PTPRD: variants seen among roughly 807,000 people sequenced by gnomAD.
The protein encoded by PTPRD is receptor-type tyrosine-protein phosphatase delta.
PTPRD carries 34 observed loss-of-function variants against 214.5 expected under a neutral mutation model. The ratio of observed to expected loss-of-function variants is 0.16; its 90% CI spans 0.12 to 0.21. The LOEUF (loss-of-function observed/expected upper bound fraction) is 0.21, where lower values mean the gene tolerates loss of function less well. Among genes scored for constraint, PTPRD ranks in the 10% least tolerant of loss-of-function variants. PTPRD has a pLI of 1.00. For synonymous variants in PTPRD, 1,128 were observed against 845.7 expected (o/e 1.33, Z -5.79); for missense variants, 2,545 against 2,398.7 (o/e 1.06, Z -1.27).
intron 5 of PTPRD, among the ~76,000 whole-genome samples, chr9:9,872,603 C>T (rs1053055452): frequency 6.6e-6 from 1 of 151,964 alleles, no homozygotes; most frequent in Admixed American, 6.6e-5. Flanking sequence ...ACAACCACCA[C>T]CACCACCACC....
Position 8,317,383 on chromosome 9 carries a change from G to A in PTPRD, c.*491C>T, listed in dbSNP as rs1478111885. 3 of 232,752 alleles carry A rather than the reference G, an allele frequency of 1.3e-5. No homozygotes were observed. The East Asian group carries it at 1.8e-4, about 14-fold the overall frequency. The allele number at this position is 232,752 out of a possible 1,614,324, so 14.4% of individuals were successfully genotyped here. A position where few individuals can be genotyped will look rare whatever the true frequency, so the allele number is the denominator to read the frequency against. On this transcript the variant is annotated 3_prime_UTR_variant, in exon 46 of 46. Transcript: ENST00000381196. ...TACAATACTAAAAAACTAAATCAAG[G>A]ACTTTCTTTTTAAACATTCCCTCCC...
intron 3 of PTPRD, among the ~76,000 whole-genome samples, chr9:10,096,837 T>A (rs2098492876): frequency 6.6e-6 from 1 of 152,048 alleles, no homozygotes; most frequent in East Asian, 1.9e-4. Context: ...TGAATGGTAA[T>A]GCCTAGGTTT....
intron 14 of PTPRD, among the ~76,000 whole-genome samples, chr9:8,600,232 G>A (rs2094759388): frequency 6.6e-6 from 1 of 152,200 alleles, no homozygotes; most frequent in South Asian, 2.1e-4. Flanking sequence ...CCAGACGGAG[G>A]GGATTGCCCA....
chr9:8,386,850 T>G (rs11792724), intron 37 of PTPRD, among the ~76,000 whole-genome samples: 23,205 of 152,078 alleles, frequency 0.15, 2,651 homozygotes, highest in African/African-American at 0.32. Flanking sequence ...GAGATGGGAA[T>G]GATGGGAGGG....
chr9:9,732,512 A>G (rs1489944952), intron 7 of PTPRD, among the ~76,000 whole-genome samples: 1 of 152,198 alleles, frequency 6.6e-6, no homozygotes, highest in East Asian at 1.9e-4. Context: ...ATGAAAAATG[A>G]TGGAATTTAG....
intron 9 of PTPRD, among the ~76,000 whole-genome samples, chr9:9,256,309 T>A (rs536888698): frequency 6.6e-6 from 1 of 152,114 alleles, no homozygotes; most frequent in South Asian, 2.1e-4. Flanking sequence ...TCTGAAAATA[T>A]ATACAAATCA....
intron 7 of PTPRD, among the ~76,000 whole-genome samples, chr9:9,657,304 G>T (rs564301075): frequency 2.6e-4 from 39 of 152,154 alleles, no homozygotes; most frequent in African/African-American, 9.4e-4. Flanking sequence ...CCTTTGCAGG[G>T]ACATGGATGA....
chr9:9,675,966 G>C (rs2096920571), intron 7 of PTPRD, among the ~76,000 whole-genome samples: 1 of 151,936 alleles, frequency 6.6e-6, no homozygotes, highest in South Asian at 2.1e-4. Flanking sequence ...AAAATGCTAA[G>C]ACTGAGTTTG....
chr9:8,545,442 C>T (rs1050707426), intron 14 of PTPRD, among the ~76,000 whole-genome samples: 2 of 152,104 alleles, frequency 1.3e-5, no homozygotes, highest in African/African-American at 2.4e-5. Flanking sequence ...GAAAACTTCT[C>T]AACAAAATTA....
intron 3 of PTPRD, among the ~76,000 whole-genome samples, chr9:10,243,634 G>T (rs1018920501): frequency 1.3e-5 from 2 of 152,010 alleles, no homozygotes; most frequent in African/African-American, 4.8e-5. Context: ...CTTAAAAAAA[G>T]AGATATGTAT....
intron 2 of PTPRD, among the ~76,000 whole-genome samples, chr9:10,366,080 C>A (rs1032693465): frequency 1.3e-5 from 2 of 152,114 alleles, no homozygotes; most frequent in African/African-American, 4.8e-5. Flanking sequence ...TGCTAAAAAA[C>A]ACTGTCACTG....
At chr9:9,619,761 TA>T (rs1396841088) in intron 7 of PTPRD, among the ~76,000 whole-genome samples, 1 of 146,442 alleles carries the variant, frequency 6.8e-6, no homozygotes, top group African/African-American at 2.5e-5. Flanking sequence ...TATTTATATA[TA>T]ATCTATATAA....
At chr9:9,680,743 T>C (rs774114576) in intron 7 of PTPRD, among the ~76,000 whole-genome samples, 5 of 151,508 alleles carry the variant, frequency 3.3e-5, no homozygotes, top group African/African-American at 7.3e-5. Flanking sequence ...TCATAACTAT[T>C]TGGGGAGTAA....
intron 3 of PTPRD, among the ~76,000 whole-genome samples, chr9:10,153,902 T>C (rs1269320598): frequency 6.6e-6 from 1 of 152,148 alleles, no homozygotes; most frequent in Non-Finnish European, 1.5e-5. Context: ...GGCATGTAAG[T>C]TGATTCTATG....
intron 5 of PTPRD, among the ~76,000 whole-genome samples, chr9:9,928,967 A>G (rs1378518265): frequency 6.6e-6 from 1 of 152,214 alleles, no homozygotes; most frequent in Non-Finnish European, 1.5e-5. Context: ...GATTTATAAA[A>G]TAGAGACTAT....
chr9:10,316,596 T>C (rs1252722606), intron 3 of PTPRD, among the ~76,000 whole-genome samples: 1 of 152,006 alleles, frequency 6.6e-6, no homozygotes, highest in Non-Finnish European at 1.5e-5. Context: ...AAATTCACTA[T>C]GGTTTTATGT....
chr9:8,404,510 G>C (rs376085339), intron 36 of PTPRD, 27 bp downstream of exon 36: 32 of 1,596,708 alleles, frequency 2.0e-5, no homozygotes, highest in African/African-American at 2.7e-5. Context: ...GAAAATAAAG[G>C]TATCAGTGAT....
At chr9:10,420,989 G>T (rs1193241923) in intron 2 of PTPRD, among the ~76,000 whole-genome samples, 1 of 151,638 alleles carries the variant, frequency 6.6e-6, no homozygotes, top group African/African-American at 2.4e-5. Flanking sequence ...CAATCATTTG[G>T]CTTCCCTGGG....
At chr9:9,296,619 T>C (rs1207261740) in intron 9 of PTPRD, among the ~76,000 whole-genome samples, 2 of 151,850 alleles carry the variant, frequency 1.3e-5, no homozygotes, top group East Asian at 3.9e-4. Context: ...GTTATAGATC[T>C]ATTTTGCATT....
Sources: gnomAD v4.1 joint callset for allele counts (sites outside exome capture counted in the v4.1 genomes callset) on GRCh38, gnomAD v4.1.1 for gene constraint, MANE v1.5 for transcripts, NCBI Gene and HGNC (gene_info 2026-07-23, HGNC 2026-07-21) for gene names.